The following RGPD3 variants were observed in gnomAD, a reference collection of about 807,000 sequenced individuals.
RGPD3 encodes the protein RANBP2 like and GRIP domain containing 3, also known as ranBP2-like and GRIP domain-containing protein 3.
In RGPD3, 62 loss-of-function variants were observed where a neutral mutation model predicts 154.5. That is an observed-to-expected ratio of 0.40 (90% CI 0.33 to 0.50). The LOEUF (loss-of-function observed/expected upper bound fraction) is 0.50. Ranked by LOEUF, RGPD3 falls within the 20% of genes least tolerant of loss-of-function variation. The probability of loss-of-function intolerance (pLI) is 0.59; values close to 1 mark genes in which losing one functional copy is unlikely to be tolerated. For synonymous variants in RGPD3, 308 were observed against 607.0 expected (o/e 0.51, Z 7.24); for missense variants, 919 against 1,716.8 (o/e 0.54, Z 8.21).
intron 6 of RGPD3, among the ~76,000 whole-genome samples, chr2:106,449,111 A>G (rs555698769): frequency 0.011 from 1,723 of 151,852 alleles, 16 homozygotes; most frequent in Non-Finnish European, 0.018. Flanking sequence ...AAAAATGCAA[A>G]AACAATGACA....
rs559852822 is a variant in RGPD3 at position 106,424,462 on chromosome 2, G to A, written c.3505C>T (p.Arg1169Trp). ...EFKQKFEECQ[R>W]LLLDIPLQTP... ...TGAAGTGGTATGTCTAACAGAAGCC[G>A]CTGGCATTCCTCAAATTTCTGCTTG... Residue 1169 changes from arginine (R) to tryptophan (W), a missense_variant, in exon 20 of 23, where the codon CGG becomes TGG. Physicochemically the swap from Arg to Trp is moderately radical, Grantham distance 101. Coordinates refer to ENST00000409886, the MANE Select transcript of RGPD3 (RefSeq NM_001144013.2). 84 of 1,607,472 alleles carry A rather than the reference G, an allele frequency of 5.2e-5. No homozygotes were observed. The highest frequency in any genetic ancestry group is 1.1e-4 in the East Asian group (5 of 44,576).
chr2:106,444,916 C>T (rs1397233856), intron 7 of RGPD3, among the ~76,000 whole-genome samples: 14 of 125,652 alleles, frequency 1.1e-4, no homozygotes, highest in African/African-American at 2.5e-4. Context: ...CGGTGAGCTA[C>T]GATTACGCAA....
At chr2:106,450,428 T>A (rs1006389726) in intron 6 of RGPD3, among the ~76,000 whole-genome samples, 1 of 150,176 alleles carries the variant, frequency 6.7e-6, no homozygotes, top group Non-Finnish European at 1.5e-5. Context: ...CAGCTTTTTA[T>A]CTTCCTCAGG....
At chr2:106,469,420 T>C (rs1678754380), upstream of RGPD3, among the ~76,000 whole-genome samples, 1 of 152,016 alleles carries the variant, frequency 6.6e-6, no homozygotes, top group South Asian at 2.1e-4. Flanking sequence ...CTTCTCCAAT[T>C]CCCCCTTTCA....
chr2:106,425,107 C>G lies in RGPD3; in HGVS notation c.2860G>C (p.Gly954Arg), dbSNP rs767704789. 6.2e-7 allele frequency: 1 copy of G among 1,611,960 alleles called. No individual in the cohort carries two copies. The change falls in exon 20 of 23, where the codon GGC (glycine) becomes CGC (arginine). Residue 954 changes from glycine (G) to arginine (R), a missense_variant. Physicochemically the swap from Gly to Arg is moderately radical, Grantham distance 125. Transcript: ENST00000409886. ...DTGLQAQDIS[G>R]RKKGRGVIFG... ...ATCACACCACGGCCCTTCTTCCGGCCACTAATATCCTGAGCCTGTAAGCCA... is the reference window on the plus strand; with the variant it reads ...ATCACACCACGGCCCTTCTTCCGGCGACTAATATCCTGAGCCTGTAAGCCA...
rs1283671289 is a variant in RGPD3, at chr2:106,404,681, A to C, written c.*538T>G. On this transcript the variant is annotated 3_prime_UTR_variant, in exon 23 of 23. Coordinates refer to ENST00000409886, the MANE Select transcript of RGPD3 (RefSeq NM_001144013.2). ...CGCTCTGTTCCCCGAGCTGGAGTGC[A>C]GTGATACAATCACAGCTCACTAGCC... 3.1e-5 allele frequency among the ~76,000 whole-genome samples: 3 copies of C among 96,444 alleles called. No homozygotes were observed. Among genetic ancestry groups the C allele is most frequent in the Admixed American group, 1.1e-4 (1 of 9,182 alleles). The allele number at this position is 96,444 out of a possible 152,430, so 63.3% of individuals were successfully genotyped here. A position where few individuals can be genotyped will look rare whatever the true frequency, so the allele number is the denominator to read the frequency against.
rs1676422029 is a variant in RGPD3 at position 106,403,513 on chromosome 2, A to G, written c.*1706T>C. Among the ~76,000 whole-genome samples, 1 of 152,198 alleles carries G rather than the reference A, an allele frequency of 6.6e-6. No homozygotes were observed. Among genetic ancestry groups the G allele is most frequent in the Non-Finnish European group, 1.5e-5 (1 of 68,032 alleles). On this transcript the variant is annotated 3_prime_UTR_variant, in exon 23 of 23. Coordinates refer to ENST00000409886, the MANE Select transcript of RGPD3 (RefSeq NM_001144013.2). ...TTGTAATCAATTTTTTATCATGCAAAAAAGTATTTTGTTATGACATTTGTA... is the reference window on the plus strand; with the variant it reads ...TTGTAATCAATTTTTTATCATGCAAGAAAGTATTTTGTTATGACATTTGTA...
Position 106,403,666 on chromosome 2 carries a change from A to C in RGPD3, c.*1553T>G, listed in dbSNP as rs1175802091. 6.6e-6 allele frequency among the ~76,000 whole-genome samples: 1 copy of C among 152,294 alleles called. No individual in the cohort carries two copies. Among genetic ancestry groups the C allele is most frequent in the Non-Finnish European group, 1.5e-5 (1 of 68,058 alleles). The stretch of plus-strand genomic sequence containing the variant: ...GCTGGCATACTCATATTCACAGTTT[A>C]TAAAGTAAAAAAACTAAACTCTTCA... On this transcript the variant is annotated 3_prime_UTR_variant, in exon 23 of 23. Coordinates refer to ENST00000409886, the MANE Select transcript of RGPD3 (RefSeq NM_001144013.2).
At chr2:106,440,261 G>C (rs1390101134) in intron 8 of RGPD3, among the ~76,000 whole-genome samples, 1 of 99,996 alleles carries the variant, frequency 1.0e-5, no homozygotes, top group Non-Finnish European at 2.0e-5. Flanking sequence ...ACTTTAAATG[G>C]GTGAAGCGTA....
intron 1 of RGPD3, among the ~76,000 whole-genome samples, chr2:106,466,386 GCCTCAACAGAGCGCGC>G: frequency 4.1e-5 from 6 of 146,634 alleles, no homozygotes; most frequent in African/African-American, 1.5e-4. Flanking sequence ...CCAGGCCACC[GCCTCAACAGAGCGCGC>G]CAGGGAGCAG....
rs1309640057 is a variant in RGPD3 at position 106,423,963 on chromosome 2, A to C, written c.4004T>G (p.Phe1335Cys). The C allele has an allele frequency of 6.2e-7, 1 of 1,611,688 alleles. No homozygotes were observed. The highest frequency in any genetic ancestry group is 2.2e-5 in the East Asian group (1 of 44,862). Reference sequence around the variant, plus strand: ...ATCAGGTAAAGGAACAACAGGTTCAAAGTACTGTCCATCTCTCTCTTCTTC... The same window carrying C: ...ATCAGGTAAAGGAACAACAGGTTCACAGTACTGTCCATCTCTCTCTTCTTC... Reference protein sequence around the residue: ...TQEEERDGQYFEPVVPLPDLV... With the variant: ...TQEEERDGQYCEPVVPLPDLV... The change falls in exon 20 of 23, where the codon TTT becomes TGT. Residue 1335 changes from phenylalanine to cysteine, a missense_variant. Transcript: ENST00000409886.
At chr2:106,426,611 TA>T (rs1269968072) in intron 18 of RGPD3, among the ~76,000 whole-genome samples, 1 of 151,938 alleles carries the variant, frequency 6.6e-6, no homozygotes, top group East Asian at 1.9e-4. Context: ...TTCCCTGGCT[TA>T]AAATAAAAAG....
Position 106,434,270 on chromosome 2 carries a change from C to G in RGPD3, c.2163G>C (p.Lys721Asn), listed in dbSNP as rs1196621192. 2 of 1,600,538 alleles carry G rather than the reference C, an allele frequency of 1.2e-6. No homozygotes were observed. Among genetic ancestry groups the G allele is most frequent in the East Asian group, 2.3e-5 (1 of 44,162 alleles). Residue 721 changes from lysine (K) to asparagine (N), a missense_variant, in exon 15 of 23, where the codon AAG (lysine) becomes AAC (asparagine). By Grantham distance (94) the Lys-to-Asn change is moderately conservative. Transcript: ENST00000409886. Reference sequence around the variant, plus strand: ...GATTTGAATCACTGTCATCTAAAATCTTTATTAGGTAGCCCCTGGTCTTTC... The same window carrying G: ...GATTTGAATCACTGTCATCTAAAATGTTTATTAGGTAGCCCCTGGTCTTTC... Reference protein sequence around the residue: ...YLRKTRGYLIKILDDSDSNLS... With the variant: ...YLRKTRGYLINILDDSDSNLS...
intron 22 of RGPD3, among the ~76,000 whole-genome samples, chr2:106,412,571 G>C (rs1225046014): frequency 6.6e-6 from 1 of 151,544 alleles, no homozygotes; most frequent in Non-Finnish European, 1.5e-5. Flanking sequence ...GCCTCCCAAA[G>C]TGGTGGGATT....
At chr2:106,409,427 T>G (rs1045946664) in intron 22 of RGPD3, among the ~76,000 whole-genome samples, 1 of 152,100 alleles carries the variant, frequency 6.6e-6, no homozygotes, top group African/African-American at 2.4e-5. Context: ...GAAGGCAGAT[T>G]CTTAAAGTTT....
chr2:106,450,911 G>A (rs1573291558), intron 6 of RGPD3, among the ~76,000 whole-genome samples: 1 of 124,630 alleles, frequency 8.0e-6, no homozygotes, highest in Non-Finnish European at 1.7e-5. Context: ...AGACCATCCT[G>A]AACCCCGTCT....
upstream of RGPD3, chr2:106,470,934 A>T (rs1678798343): frequency 1.0e-5 from 16 of 1,556,766 alleles, no homozygotes; most frequent in Non-Finnish European, 1.0e-5. Context: ...AACCTTTCCC[A>T]CCTTTAAGCA....
intron 1 of RGPD3, among the ~76,000 whole-genome samples, chr2:106,466,118 GAAA>G (rs1268791738): frequency 1.3e-4 from 20 of 151,896 alleles, no homozygotes; most frequent in Non-Finnish European, 2.8e-4. Flanking sequence ...TACGGGGCCA[GAAA>G]GCCCGGGCCA....
intron 9 of RGPD3, among the ~76,000 whole-genome samples, chr2:106,437,498 C>T (rs374248782): frequency 7.2e-5 from 11 of 151,824 alleles, no homozygotes; most frequent in Non-Finnish European, 1.5e-4. Context: ...GGTGACAGAG[C>T]GAGACTCTGT....
Sources: gnomAD v4.1 joint callset for allele counts (sites outside exome capture counted in the v4.1 genomes callset) on GRCh38, gnomAD v4.1.1 for gene constraint, MANE v1.5 for transcripts, NCBI Gene and HGNC (gene_info 2026-07-23, HGNC 2026-07-21) for gene names.